SLC35F2: variants seen among roughly 807,000 people sequenced by gnomAD.
The protein encoded by SLC35F2 is solute carrier family 35 member F2.
A neutral mutation model predicts 38.1 loss-of-function variants in SLC35F2; 25 were observed. That is an observed-to-expected ratio of 0.66 (90% CI 0.48 to 0.92). The LOEUF is 0.92. SLC35F2 is among the 40% of genes least tolerant of loss of function. SLC35F2 has a pLI of 0.00. For missense variants in SLC35F2, 409 were observed against 452.9 expected (o/e 0.90, Z 0.88); for synonymous variants, 173 against 181.7 (o/e 0.95, Z 0.38).
chr11:107,851,943 TA>T (rs1473632646), intron 1 of SLC35F2, among the ~76,000 whole-genome samples: 30 of 152,322 alleles, frequency 2.0e-4, no homozygotes, highest in Admixed American at 1.1e-3. Flanking sequence ...GCTTGGGATT[TA>T]TGCTGCATAC....
chr11:107,828,820 A>C (rs950861589), intron 1 of SLC35F2, among the ~76,000 whole-genome samples: 3 of 152,092 alleles, frequency 2.0e-5, no homozygotes, highest in African/African-American at 7.2e-5. Flanking sequence ...CTGAAACTTA[A>C]TCCCGGCCGG....
chr11:107,848,949 T>C (rs949533313), intron 1 of SLC35F2, among the ~76,000 whole-genome samples: 3 of 152,254 alleles, frequency 2.0e-5, no homozygotes, highest in African/African-American at 7.2e-5. Flanking sequence ...TCTTTCTTTT[T>C]TTCTTTTAAT....
chr11:107,850,823 A>G (rs1860169597), intron 1 of SLC35F2, among the ~76,000 whole-genome samples: 1 of 152,064 alleles, frequency 6.6e-6, no homozygotes, highest in Non-Finnish European at 1.5e-5. Flanking sequence ...CCAAAAAAAA[A>G]AAAAAGAATT....
intron 7 of SLC35F2, among the ~76,000 whole-genome samples, chr11:107,799,891 T>C (rs77751498): frequency 1.2e-5 from 1 of 83,512 alleles, no homozygotes; most frequent in Admixed American, 1.1e-4. Flanking sequence ...TTGTTTGTTT[T>C]TGTTTTTTTT....
At chr11:107,805,032 T>C in intron 5 of SLC35F2, 1 of 984,488 alleles carries the variant, frequency 1.0e-6, no homozygotes, top group Non-Finnish European at 1.2e-6. Flanking sequence ...GCTTTGTTTT[T>C]GAATAAGCTT....
rs147275379 is a variant in SLC35F2 at position 107,797,170 on chromosome 11, G to T, written c.940-4370C>A. The stretch of plus-strand genomic sequence containing the variant: ...ATCCCATAAATATGTATAAATATTT[G>T]TATCAATAAAAAATTAAGAACGGGG... On this transcript the variant is annotated intron_variant, in intron 7 of 7. Transcript: ENST00000525815. Among the ~76,000 whole-genome samples the T allele has an allele frequency of 6.4e-3, 972 of 151,688 alleles. 10 individuals are homozygous for T. The highest frequency in any genetic ancestry group is 0.021 in the African/African-American group (874 of 41,418).
At chr11:107,797,089 C>T (rs1442075417) in intron 7 of SLC35F2, among the ~76,000 whole-genome samples, 7 of 152,276 alleles carry the variant, frequency 4.6e-5, no homozygotes, top group African/African-American at 4.8e-5. Flanking sequence ...AGGTGATGGA[C>T]GTCTCAAATA....
At chr11:107,816,015 TAC>T (rs370565333) in intron 1 of SLC35F2, 50 bp from the exon 2 acceptor site, 186,320 of 1,185,634 alleles carry the variant, frequency 0.16, 527 homozygotes, top group Non-Finnish European at 0.17. Context: ...AGTTATACCT[TAC>T]ACACACACAC....
At chr11:107,800,881 T>C (rs1859296757) in intron 7 of SLC35F2, among the ~76,000 whole-genome samples, 1 of 150,658 alleles carries the variant, frequency 6.6e-6, no homozygotes, top group African/African-American at 2.4e-5. Flanking sequence ...GGGAAGAATC[T>C]ATACAGTGAA....
intron 1 of SLC35F2, among the ~76,000 whole-genome samples, chr11:107,830,676 C>CGTTT (rs1859825843): frequency 6.6e-6 from 1 of 151,824 alleles, no homozygotes; most frequent in East Asian, 1.9e-4. Context: ...CAACAGAAAC[C>CGTTT]CTACATGTAC....
rs939305567 is a variant in SLC35F2 at position 107,811,516 on chromosome 11, A to G, written c.414+151T>C. 24 of 701,822 alleles carry G rather than the reference A, an allele frequency of 3.4e-5. No homozygotes were observed. The East Asian group carries it at 3.5e-4, about 10-fold the overall frequency. The allele number at this position is 701,822 out of a possible 1,614,324, so 43.5% of individuals were successfully genotyped here. A position where few individuals can be genotyped will look rare whatever the true frequency, so the allele number is the denominator to read the frequency against. Reference sequence around the variant, plus strand: ...CTAATTCTAGGAAACATTACTCATTAGAGCATATGCTCTACTAGAAAACAG... The same window carrying G: ...CTAATTCTAGGAAACATTACTCATTGGAGCATATGCTCTACTAGAAAACAG... On this transcript the variant is annotated intron_variant, in intron 3 of 7. Transcript: ENST00000525815.
intron 2 of SLC35F2, among the ~76,000 whole-genome samples, chr11:107,815,537 GAC>G (rs1188663736): frequency 1.3e-5 from 2 of 151,370 alleles, no homozygotes; most frequent in African/African-American, 4.9e-5. Context: ...CAGCCTGGGT[GAC>G]AGAGTGAGAC....
Position 107,843,004 on chromosome 11 carries a change from C to T in SLC35F2, c.110+15654G>A, listed in dbSNP as rs546492029. Among the ~76,000 whole-genome samples the T allele has an allele frequency of 6.6e-5, 10 of 152,264 alleles. No homozygotes were observed. The South Asian group carries it at 1.2e-3, about 19-fold the overall frequency. On this transcript the variant is annotated intron_variant, in intron 1 of 7. Coordinates refer to ENST00000525815, the MANE Select transcript of SLC35F2 (RefSeq NM_017515.5). Reference sequence around the variant, plus strand: ...AGTGAGTGTTTGTATACAGCATCAGCACCTGCAACAATATGAATTAATTTT... The same window carrying T: ...AGTGAGTGTTTGTATACAGCATCAGTACCTGCAACAATATGAATTAATTTT...
At chr11:107,838,608 A>G (rs1161641350) in intron 1 of SLC35F2, among the ~76,000 whole-genome samples, 2 of 138,632 alleles carry the variant, frequency 1.4e-5, no homozygotes, top group African/African-American at 2.7e-5. Context: ...TACAGGCGTG[A>G]GCCACTTTGC....
At chr11:107,816,052 A>ACACG in intron 1 of SLC35F2, 87 bp from the exon 2 acceptor site, 1 of 1,354,756 alleles carries the variant, frequency 7.4e-7, no homozygotes, top group Non-Finnish European at 9.6e-7. Flanking sequence ...ACACACACAC[A>ACACG]CTGCTAAACA....
rs1859147229 is a variant in SLC35F2, at chr11:107,792,325, T to G, written c.*290A>C. 1 of 265,480 alleles carries G rather than the reference T, an allele frequency of 3.8e-6. No individual in the cohort carries two copies. The highest frequency in any genetic ancestry group is 2.2e-5 in the African/African-American group (1 of 44,526). 16.4% of individuals were successfully genotyped at this position (265,480 alleles called of 1,614,324 possible). On this transcript the variant is annotated 3_prime_UTR_variant, in exon 8 of 8. Transcript: ENST00000525815. ...GTCCTGGATCTCTCCCCAGTCCTGC[T>G]TTCCCACTGGTGCCTCTAAGACCCC...
At chr11:107,800,045 T>C (rs1680252) in intron 7 of SLC35F2, among the ~76,000 whole-genome samples, 88,493 of 150,732 alleles carry the variant, frequency 0.59, 26,610 homozygotes, top group African/African-American at 0.74. Flanking sequence ...TATGCCACCA[T>C]GCCCGGCTAA....
At chr11:107,845,386 C>T (rs12278174) in intron 1 of SLC35F2, among the ~76,000 whole-genome samples, 65,725 of 150,916 alleles carry the variant, frequency 0.44, 14,318 homozygotes, top group Admixed American at 0.54. Context: ...AAGACCAGCC[C>T]GGGCAACATG....
chr11:107,844,630 A>C (rs1293011437), intron 1 of SLC35F2, among the ~76,000 whole-genome samples: 3 of 47,032 alleles, frequency 6.4e-5, no homozygotes, highest in Non-Finnish European at 1.6e-4. Flanking sequence ...TCCAATAAAT[A>C]AATAAATAAA....
Sources: gnomAD v4.1 joint callset for allele counts (sites outside exome capture counted in the v4.1 genomes callset) on GRCh38, gnomAD v4.1.1 for gene constraint, MANE v1.5 for transcripts, NCBI Gene and HGNC (gene_info 2026-07-23, HGNC 2026-07-21) for gene names.